FBXL7: variants seen among roughly 807,000 people sequenced by gnomAD.
FBXL7 encodes F-box and leucine rich repeat protein 7.
A neutral mutation model predicts 38.3 loss-of-function variants in FBXL7; 12 were observed. The ratio of observed to expected loss-of-function variants is 0.31; its 90% CI spans 0.20 to 0.51. The LOEUF (loss-of-function observed/expected upper bound fraction) is 0.51. FBXL7 is among the 20% of genes least tolerant of loss of function. The probability of loss-of-function intolerance (pLI) is 0.98; values close to 1 mark genes in which losing one functional copy is unlikely to be tolerated. For missense variants in FBXL7, 567 were observed against 676.4 expected (o/e 0.84, Z 1.79); for synonymous variants, 297 against 300.9 (o/e 0.99, Z 0.13).
chr5:15,649,570 C>T (rs1741640446), intron 2 of FBXL7, among the ~76,000 whole-genome samples: 1 of 152,198 alleles, frequency 6.6e-6, no homozygotes, highest in Non-Finnish European at 1.5e-5. Context: ...CTAAACTCAT[C>T]TCAGTCATCC....
Position 15,616,035 on chromosome 5 carries a change from G to A in FBXL7, c.90G>A (p.Thr30=), listed in dbSNP as rs773010635. Residue 30 remains threonine (T), a synonymous_variant, in exon 2 of 4, where the codon ACG becomes ACA. Coordinates refer to ENST00000504595, the MANE Select transcript of FBXL7 (RefSeq NM_012304.5). The part of the protein sequence containing the change: ...SSDVSSSTDH[T]PTKAQKNVAT... The stretch of plus-strand genomic sequence containing the variant: ...ACGTGAGTTCAAGTACAGATCACAC[G>A]CCCACTAAAGCCCAGAAGAATGTGG... 21 of 1,613,304 alleles carry A rather than the reference G, an allele frequency of 1.3e-5. No homozygotes were observed. The highest frequency in any genetic ancestry group is 1.7e-5 in the Non-Finnish European group (20 of 1,179,576).
At chr5:15,555,970 CT>C (rs1191449274) in intron 1 of FBXL7, among the ~76,000 whole-genome samples, 30 of 134,558 alleles carry the variant, frequency 2.2e-4, no homozygotes, top group African/African-American at 7.9e-4. Flanking sequence ...TGTCATCTGT[CT>C]ATCATCTATC....
chr5:15,642,965 T>A (rs952759524), intron 2 of FBXL7, among the ~76,000 whole-genome samples: 1 of 152,246 alleles, frequency 6.6e-6, no homozygotes, highest in Non-Finnish European at 1.5e-5. Flanking sequence ...AGTTGACTCA[T>A]CTCAGTTATA....
chr5:15,511,090 T>C (rs983424498), intron 1 of FBXL7, among the ~76,000 whole-genome samples: 4 of 152,206 alleles, frequency 2.6e-5, no homozygotes, highest in Non-Finnish European at 5.9e-5. Context: ...TTAAAGGAAT[T>C]GCAGTGACTG....
At chr5:15,867,990 G>A (rs563149861) in intron 2 of FBXL7, among the ~76,000 whole-genome samples, 57 of 152,104 alleles carry the variant, frequency 3.7e-4, no homozygotes, top group Non-Finnish European at 6.2e-4. Flanking sequence ...TGTAGTCTCA[G>A]CTACTTAGGA....
chr5:15,561,635 A>G (rs922779421), intron 1 of FBXL7, among the ~76,000 whole-genome samples: 2 of 151,876 alleles, frequency 1.3e-5, no homozygotes, highest in Admixed American at 6.6e-5. Flanking sequence ...AGGAATCACC[A>G]TGCATTTTTT....
intron 1 of FBXL7, among the ~76,000 whole-genome samples, chr5:15,537,272 CTTTTCATATGCTTA>C (rs1303486177): frequency 6.6e-6 from 1 of 152,058 alleles, no homozygotes; most frequent in Admixed American, 6.5e-5. Flanking sequence ...AGTGAAATAT[CTTTTCATATGCTTA>C]TTTTCCATCT....
intron 2 of FBXL7, among the ~76,000 whole-genome samples, chr5:15,876,710 A>G (rs889552169): frequency 6.6e-6 from 1 of 152,230 alleles, no homozygotes; most frequent in Non-Finnish European, 1.5e-5. Flanking sequence ...ATAGTTAGGT[A>G]TATTTGTCAT....
intron 2 of FBXL7, among the ~76,000 whole-genome samples, chr5:15,818,751 A>T (rs199911390): frequency 1.9e-4 from 28 of 144,258 alleles, no homozygotes; most frequent in African/African-American, 6.1e-4. Flanking sequence ...TGTGAGAGAG[A>T]GAGAGATTTA....
At chr5:15,866,987 C>CGA (rs1739745028) in intron 2 of FBXL7, among the ~76,000 whole-genome samples, 1 of 152,066 alleles carries the variant, frequency 6.6e-6, no homozygotes, top group Admixed American at 6.6e-5. Context: ...AAGTTAGAAA[C>CGA]TTAAGAAAGA....
At chr5:15,635,945 A>C (rs1265297453) in intron 2 of FBXL7, among the ~76,000 whole-genome samples, 1 of 150,944 alleles carries the variant, frequency 6.6e-6, no homozygotes, top group East Asian at 1.9e-4. Context: ...CTTATAACAG[A>C]GCAGCAATAA....
chr5:15,687,227 G>A (rs546469475), intron 2 of FBXL7, among the ~76,000 whole-genome samples: 28 of 152,334 alleles, frequency 1.8e-4, no homozygotes, highest in African/African-American at 3.8e-4. Flanking sequence ...TTGGGGAATC[G>A]TCAGAAATCC....
intron 2 of FBXL7, among the ~76,000 whole-genome samples, chr5:15,923,027 A>G (rs1476351396): frequency 5.9e-5 from 9 of 152,182 alleles, no homozygotes; most frequent in Non-Finnish European, 1.3e-4. Context: ...AGTCAGCTTT[A>G]TTTTCTTTCA....
intron 2 of FBXL7, among the ~76,000 whole-genome samples, chr5:15,708,673 T>A (rs532458976): frequency 1.6e-4 from 25 of 152,336 alleles, no homozygotes; most frequent in Non-Finnish European, 2.9e-4. Context: ...TCCTTTTTTT[T>A]GATTTTTCAT....
At chr5:15,613,898 G>C (rs1321118301) in intron 1 of FBXL7, among the ~76,000 whole-genome samples, 1 of 152,154 alleles carries the variant, frequency 6.6e-6, no homozygotes, top group Admixed American at 6.5e-5. Flanking sequence ...AGCAGATTTA[G>C]TGTCTGGTGA....
At chr5:15,616,603 G>T (rs941280921) in intron 2 of FBXL7, among the ~76,000 whole-genome samples, 6 of 152,166 alleles carry the variant, frequency 3.9e-5, no homozygotes, top group African/African-American at 1.4e-4. Context: ...ACAAAGATTG[G>T]TCGCAGTGAT....
intron 2 of FBXL7, among the ~76,000 whole-genome samples, chr5:15,915,677 T>G (rs113760518): frequency 2.0e-5 from 3 of 152,158 alleles, no homozygotes; most frequent in Non-Finnish European, 4.4e-5. Context: ...ATTCAACCCG[T>G]AACAGAAGGA....
rs1742177175 is a variant in FBXL7, at chr5:15,936,172, C to A, written c.740-278C>A. 6.6e-6 allele frequency among the ~76,000 whole-genome samples: 1 copy of A among 152,232 alleles called. No individual in the cohort carries two copies. ...TCAGAAGGATTGATTTGCTAAATGT[C>A]AGGCAAGTAGGGACAGATGACAGAT... is the stretch of plus-strand genomic sequence containing the variant. On this transcript the variant is annotated intron_variant, in intron 3 of 3. Transcript: ENST00000504595. This position sits in a 1 kb window ranked among gnomAD's most constrained non-coding sequence, Gnocchi z 6.0.
chr5:15,664,922 G>A (rs1356808586), intron 2 of FBXL7, among the ~76,000 whole-genome samples: 1 of 148,706 alleles, frequency 6.7e-6, no homozygotes, highest in African/African-American at 2.5e-5. Flanking sequence ...CATCATTTTT[G>A]AAAGATGTTT....
Sources: gnomAD v4.1 joint callset for allele counts (sites outside exome capture counted in the v4.1 genomes callset) on GRCh38, gnomAD v4.1.1 for gene constraint, Gnocchi (gnomAD v3.1) non-coding constraint, MANE v1.5 for transcripts, NCBI Gene and HGNC (gene_info 2026-07-23, HGNC 2026-07-21) for gene names.